The following JAM2 variants were observed in gnomAD, a reference collection of about 807,000 sequenced individuals.
JAM2 encodes junctional adhesion molecule B.
Under a neutral mutation model 42.0 loss-of-function variants are expected in JAM2, and 17 were observed. The ratio of observed to expected loss-of-function variants is 0.40; its 90% CI spans 0.28 to 0.61. The LOEUF (loss-of-function observed/expected upper bound fraction) is 0.61. Among genes scored for constraint, JAM2 ranks in the 20% least tolerant of loss-of-function variants. The probability of loss-of-function intolerance (pLI) is 0.37; values close to 1 mark genes in which losing one functional copy is unlikely to be tolerated. For synonymous variants in JAM2, 118 were observed against 128.6 expected (o/e 0.92, Z 0.56); for missense variants, 319 against 358.3 (o/e 0.89, Z 0.89).
intron 1 of JAM2, among the ~76,000 whole-genome samples, chr21:25,678,668 T>C (rs2033555837): frequency 6.6e-6 from 1 of 152,248 alleles, no homozygotes; most frequent in East Asian, 1.9e-4. Context: ...AGTTCAGTCC[T>C]GTACTCTTCA....
intron 1 of JAM2, among the ~76,000 whole-genome samples, chr21:25,653,419 C>T (rs2032837091): frequency 6.6e-6 from 1 of 152,146 alleles, no homozygotes; most frequent in African/African-American, 2.4e-5. Context: ...TCTGTTTTCA[C>T]ACTGCTATAA....
At chr21:25,645,147 C>G (rs540166279) in intron 1 of JAM2, among the ~76,000 whole-genome samples, 102 of 152,334 alleles carry the variant, frequency 6.7e-4, no homozygotes, top group African/African-American at 2.4e-3. Context: ...TCCCAAAGTG[C>G]TGGGATTACA....
rs2034180666 is a variant in JAM2, at chr21:25,702,226, T to A, written c.654T>A (p.Asn218Lys). ...GAGAATATTCCTGTGAAGCCCGCAA[T>A]TCTGTTGGATATCGCAGGTGTCCTG... is the stretch of plus-strand genomic sequence containing the variant. ...DTGEYSCEAR[N>K]SVGYRRCPGK... is the part of the protein sequence containing the mutation. The change falls in exon 6 of 10, where the codon AAT (asparagine) becomes AAA (lysine). Residue 218 changes from asparagine to lysine, a missense_variant. Asn to Lys is a moderately conservative substitution (Grantham distance 94). Coordinates refer to ENST00000480456, the MANE Select transcript of JAM2 (RefSeq NM_021219.4). 6.3e-7 allele frequency: 1 copy of A among 1,599,486 alleles called. No homozygotes were observed. The highest frequency in any genetic ancestry group is 1.3e-5 in the African/African-American group (1 of 74,804).
chr21:25,714,949 G>A lies in JAM2; in HGVS notation c.*277G>A, dbSNP rs908504764. 1.0e-5 allele frequency: 3 copies of A among 288,082 alleles called. No individual in the cohort carries two copies. Among genetic ancestry groups the A allele is most frequent in the East Asian group, 1.2e-4 (2 of 16,208 alleles). 17.8% of individuals were successfully genotyped at this position (288,082 alleles called of 1,614,324 possible). A position where few individuals can be genotyped will look rare whatever the true frequency, so the allele number is the denominator to read the frequency against. On this transcript the variant is annotated 3_prime_UTR_variant, in exon 10 of 10. Transcript: ENST00000480456. Reference sequence around the variant, plus strand: ...CTGGGCTTTGGGAAATGTTAACCACGTCCTAACTTCTAGAGAACGTTACTA... The same window carrying A: ...CTGGGCTTTGGGAAATGTTAACCACATCCTAACTTCTAGAGAACGTTACTA...
rs2033937035 is a variant in JAM2, at chr21:25,693,848, A to G, written c.334A>G (p.Ser112Gly). The G allele has an allele frequency of 3.7e-6, 6 of 1,614,198 alleles. No homozygotes were observed. The East Asian group carries it at 1.3e-4, about 36-fold the overall frequency. Residue 112 changes from serine to glycine, a missense_variant, in exon 4 of 10, where the codon AGT (serine) becomes GGT (glycine). Coordinates refer to ENST00000480456, the MANE Select transcript of JAM2 (RefSeq NM_021219.4). ...TGCGGGGAAATATCGTTGTGAAGTT[A>G]GTGCCCCATCTGAGCAAGGCCAAAA... ...SDAGKYRCEV[S>G]APSEQGQNLE...
intron 1 of JAM2, among the ~76,000 whole-genome samples, chr21:25,666,341 T>TATTATTATTATTATTA: frequency 1.3e-5 from 2 of 151,370 alleles, no homozygotes; most frequent in Admixed American, 6.6e-5. Flanking sequence ...TTATTATTAT[T>TATTATTATTATTATTA]TGAGAAGGAG....
chr21:25,714,427 G>A (rs2034442254), intron 9 of JAM2: 6 of 467,240 alleles, frequency 1.3e-5, no homozygotes, highest in Non-Finnish European at 2.3e-5. Flanking sequence ...GAACCCGGGA[G>A]GCGGAGGTTG....
rs577623355 is a variant in JAM2, at chr21:25,663,929, G to T, written c.68-19954G>T. ...ATTTTTCCAGTCTCTTGTATTCTTT[G>T]TTGCAGCAATTAATCTCCTCTCTCT... On this transcript the variant is annotated intron_variant, in intron 1 of 9. Coordinates refer to ENST00000480456, the MANE Select transcript of JAM2 (RefSeq NM_021219.4). 5.3e-5 allele frequency among the ~76,000 whole-genome samples: 8 copies of T among 152,124 alleles called. No individual in the cohort carries two copies. In the East Asian group the frequency reaches 1.5e-3, roughly 29 times the overall value.
In JAM2 at chr21:25,639,939, A is replaced by G. The variant is rs746157276; in HGVS notation, c.67+51A>G. 32 of 1,317,504 alleles carry G rather than the reference A, an allele frequency of 2.4e-5. No individual in the cohort carries two copies. In the East Asian group the frequency reaches 3.2e-4, roughly 13 times the overall value. 81.6% of individuals were successfully genotyped at this position (1,317,504 alleles called of 1,614,324 possible). ...TTCCTGCCTGGACCAGCCTGCCCCCACCCTCCAGCCCCCCACGGGGCGCTG... is the reference window on the plus strand; with the variant it reads ...TTCCTGCCTGGACCAGCCTGCCCCCGCCCTCCAGCCCCCCACGGGGCGCTG... On this transcript the variant is annotated intron_variant, in intron 1 of 9. Transcript: ENST00000480456.
At chr21:25,693,210 A>G (rs1026403230) in intron 3 of JAM2, among the ~76,000 whole-genome samples, 7 of 152,204 alleles carry the variant, frequency 4.6e-5, no homozygotes, top group African/African-American at 1.7e-4. Context: ...AACTAAAATT[A>G]GATATCAAAA....
intron 6 of JAM2, among the ~76,000 whole-genome samples, chr21:25,704,087 C>T (rs1286918427): frequency 6.6e-6 from 1 of 151,714 alleles, no homozygotes. Flanking sequence ...AGATAATAGC[C>T]CTTACTTTGA....
At chr21:25,693,549 G>T (rs887427437) in intron 3 of JAM2, among the ~76,000 whole-genome samples, 1 of 152,154 alleles carries the variant, frequency 6.6e-6, no homozygotes. Flanking sequence ...GAGCCATCAT[G>T]CCTGGCCTTT....
chr21:25,650,669 T>C (rs1343233033), intron 1 of JAM2, among the ~76,000 whole-genome samples: 5 of 152,168 alleles, frequency 3.3e-5, no homozygotes, highest in Non-Finnish European at 5.9e-5. Flanking sequence ...ATAGAATAAA[T>C]ATCAAATGAA....
chr21:25,662,253 C>T (rs1388835175), intron 1 of JAM2, among the ~76,000 whole-genome samples: 2 of 152,008 alleles, frequency 1.3e-5, no homozygotes, highest in Non-Finnish European at 2.9e-5. Context: ...CTCAAGCCAT[C>T]CCTCCCACCT....
chr21:25,688,783 A>T (rs908262523), intron 2 of JAM2, among the ~76,000 whole-genome samples: 8 of 152,292 alleles, frequency 5.3e-5, no homozygotes, highest in African/African-American at 1.9e-4. Context: ...CTTTTTTAAC[A>T]TTCATTTGCT....
chr21:25,660,935 T>C (rs2033072046), intron 1 of JAM2, among the ~76,000 whole-genome samples: 2 of 150,010 alleles, frequency 1.3e-5, no homozygotes, highest in Admixed American at 1.3e-4. Context: ...GCTGGGATTA[T>C]AGAAACTTGC....
chr21:25,672,813 C>T (rs2033392909), intron 1 of JAM2, among the ~76,000 whole-genome samples: 1 of 152,190 alleles, frequency 6.6e-6, no homozygotes, highest in African/African-American at 2.4e-5. Flanking sequence ...TATTCTTCTA[C>T]TATCCACTAA....
At chr21:25,699,403 T>C (rs1379126667) in intron 5 of JAM2, among the ~76,000 whole-genome samples, 14 of 152,160 alleles carry the variant, frequency 9.2e-5, no homozygotes, top group Admixed American at 9.2e-4. Context: ...CCTAGACTAC[T>C]GAGTACTACC....
rs981975755 is a variant in JAM2 at position 25,697,920 on chromosome 21, T to G, written c.395-757T>G. On this transcript the variant is annotated intron_variant, in intron 4 of 9. Coordinates refer to ENST00000480456, the MANE Select transcript of JAM2 (RefSeq NM_021219.4). ...GAGATTCTGTCTCAAAAAAAAAAAA[T>G]CTATCTGCACACACACACACACACA... Among the ~76,000 whole-genome samples, 19 of 136,732 alleles carry G rather than the reference T, an allele frequency of 1.4e-4. No individual in the cohort carries two copies. The East Asian group carries it at 4.0e-3, about 29-fold the overall frequency. 89.7% of individuals were successfully genotyped at this position (136,732 alleles called of 152,430 possible).
Sources: allele counts gnomAD v4.1 joint callset (sites outside exome capture counted in the v4.1 genomes callset), GRCh38; gene constraint gnomAD v4.1.1; transcripts MANE v1.5; gene names NCBI Gene and HGNC (gene_info 2026-07-23, HGNC 2026-07-21).